Variants in STK31 observed in about 807,000 individuals in gnomAD.
STK31 encodes serine/threonine-protein kinase 31.
In STK31, 89 loss-of-function variants were observed where a neutral mutation model predicts 129.7. The ratio of observed to expected loss-of-function variants is 0.69; its 90% CI spans 0.58 to 0.82. The LOEUF (loss-of-function observed/expected upper bound fraction) is 0.82. Ranked by LOEUF, STK31 falls within the 40% of genes least tolerant of loss-of-function variation. The probability of loss-of-function intolerance (pLI) is 0.00; values close to 1 mark genes in which losing one functional copy is unlikely to be tolerated. For missense variants in STK31, 1,187 were observed against 1,176.4 expected (o/e 1.01, Z -0.13); for synonymous variants, 448 against 395.3 (o/e 1.13, Z -1.58).
In STK31 at chr7:23,735,786, G is replaced by A. The variant is rs1384369212; in HGVS notation, c.732G>A (p.Gly244=). The A allele has an allele frequency of 6.2e-7, 1 of 1,614,020 alleles. No individual in the cohort carries two copies. Among genetic ancestry groups the A allele is most frequent in the Admixed American group, 1.7e-5 (1 of 60,006 alleles). ...TCAAAAGCCCCATTCCTTTGTGGGGGCATAGATCAAACCAGTCAACCTTCA... is the reference window on the plus strand; with the variant it reads ...TCAAAAGCCCCATTCCTTTGTGGGGACATAGATCAAACCAGTCAACCTTCA... ...RNLKSPIPLW[G]HRSNQSTFSR... Residue 244 remains glycine, a synonymous_variant, in exon 7 of 24, where the codon GGG becomes GGA. Transcript: ENST00000355870.
chr7:23,728,679 A>C (rs1391928070), intron 5 of STK31, among the ~76,000 whole-genome samples: 2 of 152,188 alleles, frequency 1.3e-5, no homozygotes, highest in Non-Finnish European at 2.9e-5. Flanking sequence ...AATTGTGTCA[A>C]AGGAAGTTTG....
chr7:23,795,825 C>G (rs1390315640), intron 22 of STK31, among the ~76,000 whole-genome samples: 1 of 152,106 alleles, frequency 6.6e-6, no homozygotes, highest in Non-Finnish European at 1.5e-5. Context: ...GCCTGTAGCC[C>G]CTTTGTTTTG....
intron 4 of STK31, 29 bp downstream of exon 4, chr7:23,717,608 T>G: frequency 6.6e-7 from 1 of 1,512,762 alleles, no homozygotes; most frequent in Non-Finnish European, 9.1e-7. Context: ...TATAATTATT[T>G]CATTCCTCCT....
intron 4 of STK31, among the ~76,000 whole-genome samples, chr7:23,724,905 G>A (rs889781103): frequency 2.6e-5 from 4 of 152,068 alleles, no homozygotes; most frequent in African/African-American, 9.7e-5. Flanking sequence ...TGGTGTTTAG[G>A]TTTCATAAAA....
chr7:23,786,992 A>C, intron 20 of STK31, 68 bp downstream of exon 20: 1 of 1,458,600 alleles, frequency 6.9e-7, no homozygotes, highest in East Asian at 2.3e-5. Flanking sequence ...ATATTTATTC[A>C]GGCATACTAC....
intron 22 of STK31, among the ~76,000 whole-genome samples, chr7:23,810,864 A>G (rs1793083820): frequency 7.1e-6 from 1 of 140,304 alleles, no homozygotes; most frequent in Admixed American, 7.5e-5. Context: ...ATAAATATAT[A>G]TTATATATAA....
intron 14 of STK31, 106 bp downstream of exon 14, chr7:23,771,230 T>TTAC: frequency 9.9e-6 from 10 of 1,014,108 alleles, no homozygotes; most frequent in South Asian, 2.8e-5. Flanking sequence ...TAAATTGTTA[T>TTAC]TACTAGAATT....
At chr7:23,824,063 A>G (rs1793956699) in intron 23 of STK31, among the ~76,000 whole-genome samples, 1 of 152,156 alleles carries the variant, frequency 6.6e-6, no homozygotes, top group Non-Finnish European at 1.5e-5. Context: ...TTGGCTTAGG[A>G]TTGACTTGGC....
Position 23,714,376 on chromosome 7 carries a change from CA to C in STK31, c.150+2091del, listed in dbSNP as rs79481312. Reference sequence around the variant, plus strand: ...ATAAATTATATTTAAGCTTATTATACAGAAACATCATTTATCAGTGTAAAAA... The same window carrying C: ...ATAAATTATATTTAAGCTTATTATACGAAACATCATTTATCAGTGTAAAAA... On this transcript the variant is annotated intron_variant, in intron 3 of 23. Transcript: ENST00000355870. Among the ~76,000 whole-genome samples the C allele has an allele frequency of 3.9e-3, 590 of 152,234 alleles. 7 individuals are homozygous for C. Among genetic ancestry groups the C allele is most frequent in the Admixed American group, 0.022 (329 of 15,278 alleles).
chr7:23,796,413 G>A lies in STK31; in HGVS notation c.2760+5467G>A, dbSNP rs188324108. On this transcript the variant is annotated intron_variant, in intron 22 of 23. Coordinates refer to ENST00000355870, the MANE Select transcript of STK31 (RefSeq NM_031414.5). ...ATATCCCATAAGTGTGGTAATAGCA[G>A]TTTTTATTCCACCTATTTCCTTTAA... is the stretch of plus-strand genomic sequence containing the variant. 2.0e-3 allele frequency among the ~76,000 whole-genome samples: 298 copies of A among 151,948 alleles called. 1 individual carries two copies. Among genetic ancestry groups the A allele is most frequent in the African/African-American group, 6.9e-3 (285 of 41,450 alleles).
chr7:23,741,835 T>C (rs1234831648), intron 8 of STK31, among the ~76,000 whole-genome samples: 3 of 152,122 alleles, frequency 2.0e-5, no homozygotes, highest in African/African-American at 7.2e-5. Flanking sequence ...GTCCCAGGTG[T>C]GCATAGGAGA....
chr7:23,806,673 G>C (rs1163162007), intron 22 of STK31, among the ~76,000 whole-genome samples: 3 of 152,078 alleles, frequency 2.0e-5, no homozygotes, highest in African/African-American at 7.2e-5. Context: ...GGCCGAGGCG[G>C]GTGGATCACG....
At chr7:23,803,871 A>G (rs1792530929) in intron 22 of STK31, among the ~76,000 whole-genome samples, 1 of 152,168 alleles carries the variant, frequency 6.6e-6, no homozygotes, top group African/African-American at 2.4e-5. Flanking sequence ...TAGTTTTATC[A>G]TGACACCATT....
chr7:23,823,497 G>A (rs1323372228), intron 23 of STK31, among the ~76,000 whole-genome samples: 1 of 151,932 alleles, frequency 6.6e-6, no homozygotes, highest in Admixed American at 6.5e-5. Context: ...CTGGATATTA[G>A]CCCTTTGTCA....
At chr7:23,815,999 T>C (rs748611943) in intron 23 of STK31, among the ~76,000 whole-genome samples, 19 of 152,124 alleles carry the variant, frequency 1.2e-4, no homozygotes, top group Non-Finnish European at 2.2e-4. Flanking sequence ...GTACATATAA[T>C]TTTGTTAAAC....
intron 15 of STK31, among the ~76,000 whole-genome samples, chr7:23,777,198 T>C (rs1040328855): frequency 2.0e-5 from 3 of 152,144 alleles, no homozygotes; most frequent in Admixed American, 6.5e-5. Context: ...TTGTTTGTTA[T>C]GATTTCTGTT....
chr7:23,720,091 A>G (rs1208989998), intron 4 of STK31, among the ~76,000 whole-genome samples: 1 of 152,200 alleles, frequency 6.6e-6, no homozygotes, highest in Non-Finnish European at 1.5e-5. Flanking sequence ...CTGATAAGCT[A>G]CAATAAAGCT....
chr7:23,741,406 T>A (rs1281940606), intron 8 of STK31, among the ~76,000 whole-genome samples: 1 of 152,212 alleles, frequency 6.6e-6, no homozygotes, highest in East Asian at 1.9e-4. Flanking sequence ...TATTGAGATA[T>A]CATTTACATA....
chr7:23,731,505 G>A (rs369900152), intron 6 of STK31, among the ~76,000 whole-genome samples: 3 of 152,284 alleles, frequency 2.0e-5, no homozygotes, highest in East Asian at 3.9e-4. Flanking sequence ...TTCCCTGCCA[G>A]GTAGGTGTTA....
Sources: gnomAD v4.1 joint callset for allele counts (sites outside exome capture counted in the v4.1 genomes callset) on GRCh38, gnomAD v4.1.1 for gene constraint, MANE v1.5 for transcripts, NCBI Gene and HGNC (gene_info 2026-07-23, HGNC 2026-07-21) for gene names.